The following ENTREP2 variants were observed in gnomAD, a reference collection of about 807,000 sequenced individuals.
ENTREP2 encodes protein ENTREP2.
At chr15:29,534,106 CAAAA>C in the ENTREP2 span, among the ~76,000 whole-genome samples, 104 of 44,930 alleles carry the variant, frequency 2.3e-3, no homozygotes, top group African/African-American at 7.8e-3. Context: ...GCCCCTTGGC[CAAAA>C]AAAAAAAAAA....
At chr15:29,269,957 G>A in the ENTREP2 span, 1 of 449,574 alleles carries the variant, frequency 2.2e-6, no homozygotes, top group East Asian at 3.6e-5. Context: ...TTAGTATAGT[G>A]AAGTGTTGTT....
the ENTREP2 span, among the ~76,000 whole-genome samples, chr15:29,406,485 T>C: frequency 6.6e-6 from 1 of 152,122 alleles, no homozygotes; most frequent in African/African-American, 2.4e-5. Context: ...GAGGCAAAGG[T>C]TGCAGTGAGC....
At chr15:29,127,627 C>T in the ENTREP2 span, among the ~76,000 whole-genome samples, 27 of 152,286 alleles carry the variant, frequency 1.8e-4, no homozygotes, top group Non-Finnish European at 3.1e-4. Flanking sequence ...GACCCCTGTA[C>T]CCCAGCAGAA....
At chr15:29,473,797 C>T in the ENTREP2 span, among the ~76,000 whole-genome samples, 6 of 152,212 alleles carry the variant, frequency 3.9e-5, no homozygotes, top group South Asian at 1.0e-3. Flanking sequence ...CCTCAGGGCC[C>T]CGGCCGCAGC....
At chr15:29,660,833 T>C in the ENTREP2 span, among the ~76,000 whole-genome samples, 4 of 152,280 alleles carry the variant, frequency 2.6e-5, no homozygotes, top group African/African-American at 4.8e-5. Context: ...CCAACGAGGA[T>C]TGAAAATACA....
chr15:29,269,263 T>A, the ENTREP2 span: 1 of 1,614,174 alleles, frequency 6.2e-7, no homozygotes, highest in Admixed American at 1.7e-5. Flanking sequence ...AGTGTTGCTC[T>A]TGGGTTCAAG....
At chr15:29,653,919 G>A in the ENTREP2 span, among the ~76,000 whole-genome samples, 3 of 152,172 alleles carry the variant, frequency 2.0e-5, no homozygotes, top group Admixed American at 6.5e-5. Context: ...ATGCATCTCT[G>A]ACTTCTAATG....
At chr15:29,656,378 A>G in the ENTREP2 span, among the ~76,000 whole-genome samples, 2 of 152,056 alleles carry the variant, frequency 1.3e-5, no homozygotes, top group Non-Finnish European at 2.9e-5. Context: ...GACATCCATC[A>G]CCACAGCCGG....
At chr15:29,221,329 G>C in the ENTREP2 span, among the ~76,000 whole-genome samples, 2 of 152,012 alleles carry the variant, frequency 1.3e-5, no homozygotes, top group East Asian at 1.9e-4. Context: ...AGCCTCCCAA[G>C]TAGCTGGGAT....
At chr15:29,613,721 G>A in the ENTREP2 span, 8 of 168,762 alleles carry the variant, frequency 4.7e-5, no homozygotes, top group Non-Finnish European at 6.3e-5. Context: ...GCTAACATGC[G>A]TGGGGTCACC....
At chr15:29,450,040 G>A in the ENTREP2 span, among the ~76,000 whole-genome samples, 22 of 152,060 alleles carry the variant, frequency 1.4e-4, no homozygotes, top group Admixed American at 3.3e-4. Flanking sequence ...TTGACTGCAC[G>A]TATGTCTTTG....
chr15:29,127,438 C>A, the ENTREP2 span, among the ~76,000 whole-genome samples: 1 of 152,178 alleles, frequency 6.6e-6, no homozygotes, highest in Non-Finnish European at 1.5e-5. Flanking sequence ...TTTTTCCCTG[C>A]GTCTGTGAGC....
chr15:29,368,027 T>C, the ENTREP2 span, among the ~76,000 whole-genome samples: 5 of 135,232 alleles, frequency 3.7e-5, no homozygotes, highest in East Asian at 9.4e-4. Context: ...AAGCAATCAA[T>C]GTAAGTGATC....
At chr15:29,488,823 A>G in the ENTREP2 span, among the ~76,000 whole-genome samples, 1,930 of 152,332 alleles carry the variant, frequency 0.013, 37 homozygotes, top group African/African-American at 0.045. Flanking sequence ...ATTGTATGAT[A>G]CATCCTACAA....
At chr15:29,529,758 C>T in the ENTREP2 span, among the ~76,000 whole-genome samples, 1 of 152,144 alleles carries the variant, frequency 6.6e-6, no homozygotes, top group South Asian at 2.1e-4. Context: ...CTTGACCAAG[C>T]TCAAATGAGC....
chr15:29,181,923 G>A, the ENTREP2 span, among the ~76,000 whole-genome samples: 1 of 152,022 alleles, frequency 6.6e-6, no homozygotes, highest in African/African-American at 2.4e-5. Flanking sequence ...AGACAAGGAT[G>A]GCTACTGGCT....
chr15:29,129,765 C>T, the ENTREP2 span, among the ~76,000 whole-genome samples: 2 of 152,182 alleles, frequency 1.3e-5, no homozygotes, highest in African/African-American at 4.8e-5. Flanking sequence ...TCTGCGTGGG[C>T]CATGGTTTCC....
chr15:29,135,277 G>A, the ENTREP2 span, among the ~76,000 whole-genome samples: 1 of 152,098 alleles, frequency 6.6e-6, no homozygotes, highest in African/African-American at 2.4e-5. The surrounding 1 kb of genome is among the most constrained non-coding windows in gnomAD (Gnocchi z 7.4). Context: ...TGGACTGTCG[G>A]CCTCTCTAGC....
chr15:29,448,101 C>G, the ENTREP2 span, among the ~76,000 whole-genome samples: 1 of 152,076 alleles, frequency 6.6e-6, no homozygotes, highest in Non-Finnish European at 1.5e-5. Flanking sequence ...TAAGCAATTT[C>G]CAATTATTTA....
Sources: gnomAD v4.1 joint callset for allele counts (sites outside exome capture counted in the v4.1 genomes callset) on GRCh38, gnomAD v4.1.1 for gene constraint, Gnocchi (gnomAD v3.1) non-coding constraint, MANE v1.5 for transcripts, NCBI Gene and HGNC (gene_info 2026-07-23, HGNC 2026-07-21) for gene names.